TBC1D4: variants seen among roughly 807,000 people sequenced by gnomAD.
The protein encoded by TBC1D4 is TBC (Tre-2, BUB2, CDC16) domain-containing protein.
A neutral mutation model predicts 142.5 loss-of-function variants in TBC1D4; 121 were observed. The observed-to-expected ratio is 0.85, with a 90% CI of 0.73 to 0.99. The LOEUF (loss-of-function observed/expected upper bound fraction) is 0.99. TBC1D4 is among the 50% of genes least tolerant of loss of function. TBC1D4 has a pLI of 0.00. For missense variants in TBC1D4, 1,475 were observed against 1,606.6 expected (o/e 0.92, Z 1.40); for synonymous variants, 630 against 628.2 (o/e 1.00, Z -0.04).
At position 75,362,119 on chromosome 13, in the gene TBC1D4, G is replaced by A. The variant is rs368061724; in HGVS notation, c.987C>T (p.Gly329=). ...VTGVQRRVHE[G]SQKSQPRRRH... ...TCCGTCGCGGCTGGGATTTCTGGCT[G>A]CCCTCGTGAACTCTCCGTTGCACGC... The change falls in exon 2 of 21, where the codon GGC becomes GGT. Residue 329 remains glycine (G), a synonymous_variant. Coordinates refer to ENST00000377636, the MANE Select transcript of TBC1D4 (RefSeq NM_014832.5). This position sits in a 1 kb window ranked among gnomAD's most constrained non-coding sequence, Gnocchi z 4.2. The A allele has an allele frequency of 4.8e-5, 78 of 1,613,948 alleles. 3 individuals are homozygous for A. The highest frequency in any genetic ancestry group is 4.8e-4 in the African/African-American group (36 of 75,042).
intron 4 of TBC1D4, among the ~76,000 whole-genome samples, chr13:75,355,102 T>C (rs1375856299): frequency 6.6e-6 from 1 of 152,198 alleles, no homozygotes; most frequent in Non-Finnish European, 1.5e-5. Context: ...ACTTCTTCAT[T>C]ATTCCTAACC....
Position 75,362,154 on chromosome 13 carries a change from T to C in TBC1D4, c.952A>G (p.Ser318Gly), listed in dbSNP as rs1882579006. Residue 318 changes from serine (S) to glycine (G), a missense_variant, in exon 2 of 21, where the codon AGT becomes GGT. By Grantham distance (56) the Ser-to-Gly change is moderately conservative. Around this residue, in one of 2 missense-constraint regions of TBC1D4, gnomAD observed 1,227 missense variants for 1,267.7 expected, o/e 0.97. Transcript: ENST00000377636. This position sits in a 1 kb window ranked among gnomAD's most constrained non-coding sequence, Gnocchi z 4.2. ...EQQEFRSRCS[S>G]VTGVQRRVHE... ...ACTCTCCGTTGCACGCCGGTGACAC[T>C]GCTGCACCGAGACCGAAACTCCTGC... 3 of 1,613,266 alleles carry C rather than the reference T, an allele frequency of 1.9e-6. No individual in the cohort carries two copies. The highest frequency in any genetic ancestry group is 2.7e-5 in the African/African-American group (2 of 74,914).
At chr13:75,336,158 G>A in intron 8 of TBC1D4, among the ~76,000 whole-genome samples, 1 of 152,098 alleles carries the variant, frequency 6.6e-6, no homozygotes, top group Non-Finnish European at 1.5e-5. Flanking sequence ...CAGCACTTTG[G>A]GAGGCCGACG....
chr13:75,375,254 C>T (rs1298973137), intron 1 of TBC1D4, among the ~76,000 whole-genome samples: 1 of 152,196 alleles, frequency 6.6e-6, no homozygotes, highest in African/African-American at 2.4e-5. Flanking sequence ...GGGGTCCAGT[C>T]CCTGGCTGTG....
intron 3 of TBC1D4, among the ~76,000 whole-genome samples, chr13:75,359,281 A>G (rs1882311130): frequency 6.6e-6 from 1 of 152,230 alleles, no homozygotes; most frequent in Non-Finnish European, 1.5e-5. Flanking sequence ...ACAGTTTGTG[A>G]ATTAAAAACA....
rs1326311098 is a variant in TBC1D4, at chr13:75,382,009, G to A, written c.499-19402C>T. Among the ~76,000 whole-genome samples the A allele has an allele frequency of 3.3e-5, 5 of 152,192 alleles. No homozygotes were observed. The East Asian group carries it at 9.6e-4, about 29-fold the overall frequency. On this transcript the variant is annotated intron_variant, in intron 1 of 20. Transcript: ENST00000377636. Reference sequence around the variant, plus strand: ...AGAGTTGAACACTAGGAAACCCATTGAGGGAGGCTGATTCAGTAAAAGGGA... The same window carrying A: ...AGAGTTGAACACTAGGAAACCCATTAAGGGAGGCTGATTCAGTAAAAGGGA...
At chr13:75,400,334 A>G (rs1885020627) in intron 1 of TBC1D4, among the ~76,000 whole-genome samples, 1 of 152,082 alleles carries the variant, frequency 6.6e-6, no homozygotes, top group African/African-American at 2.4e-5. Context: ...TTGCATGAAC[A>G]ACTCTCAGTA....
intron 9 of TBC1D4, among the ~76,000 whole-genome samples, chr13:75,326,682 A>G (rs1879294726): frequency 6.6e-6 from 1 of 152,202 alleles, no homozygotes; most frequent in South Asian, 2.1e-4. Flanking sequence ...CAGCATCCGT[A>G]AAGACAGGCC....
chr13:75,329,439 T>C (rs1208151744), intron 8 of TBC1D4, among the ~76,000 whole-genome samples: 1 of 144,956 alleles, frequency 6.9e-6, no homozygotes, highest in Non-Finnish European at 1.5e-5. Context: ...TCTCTTTCTC[T>C]CTCTCTCTCT....
intron 1 of TBC1D4, among the ~76,000 whole-genome samples, chr13:75,384,491 A>G (rs1163603451): frequency 1.3e-5 from 2 of 151,892 alleles, no homozygotes; most frequent in Non-Finnish European, 2.9e-5. Context: ...CACTACATCC[A>G]GTCAACCTGA....
Position 75,481,206 on chromosome 13 carries a change from C to T in TBC1D4, c.498+64G>A. On this transcript the variant is annotated intron_variant, in intron 1 of 20. Transcript: ENST00000377636. ...TCCTTAAAGTGGGGTCCCCGCCCCT[C>T]CCGCCCTGCTCCCCGATCCCCCAAG... The T allele has an allele frequency of 4.2e-6, 5 of 1,203,766 alleles. No homozygotes were observed. The Admixed American group carries it at 6.1e-5, about 15-fold the overall frequency. The allele number at this position is 1,203,766 out of a possible 1,614,324, so 74.6% of individuals were successfully genotyped here.
chr13:75,472,445 A>T (rs1437495007), intron 1 of TBC1D4, among the ~76,000 whole-genome samples: 5 of 152,180 alleles, frequency 3.3e-5, no homozygotes, highest in South Asian at 2.1e-4. Context: ...AATAAAAAAA[A>T]GAATTGTGGA....
intron 14 of TBC1D4, among the ~76,000 whole-genome samples, chr13:75,308,242 A>G (rs1877379356): frequency 6.6e-6 from 1 of 152,218 alleles, no homozygotes; most frequent in African/African-American, 2.4e-5. Flanking sequence ...ATGTATTCTA[A>G]ATGTCACCTC....
intron 1 of TBC1D4, among the ~76,000 whole-genome samples, chr13:75,431,875 C>T (rs1391307980): frequency 6.6e-6 from 1 of 151,996 alleles, no homozygotes; most frequent in Non-Finnish European, 1.5e-5. Flanking sequence ...CAGCTTGTTA[C>T]CTATTAAGAA....
At chr13:75,424,117 C>T (rs1886276456) in intron 1 of TBC1D4, among the ~76,000 whole-genome samples, 1 of 151,682 alleles carries the variant, frequency 6.6e-6, no homozygotes, top group Non-Finnish European at 1.5e-5. Flanking sequence ...TTTAAAAATT[C>T]AAAAAACTAG....
chr13:75,414,097 A>T (rs1885807825), intron 1 of TBC1D4, among the ~76,000 whole-genome samples: 1 of 152,208 alleles, frequency 6.6e-6, no homozygotes. Flanking sequence ...ATGGCACTGC[A>T]ATACTACATC....
intron 1 of TBC1D4, among the ~76,000 whole-genome samples, chr13:75,464,660 A>G (rs1426650129): frequency 6.6e-6 from 1 of 152,036 alleles, no homozygotes; most frequent in Non-Finnish European, 1.5e-5. Context: ...GGTCTTCACA[A>G]CCGGGCTGGT....
chr13:75,350,718 C>T (rs1166050230), intron 4 of TBC1D4, among the ~76,000 whole-genome samples: 1 of 151,920 alleles, frequency 6.6e-6, no homozygotes, highest in Non-Finnish European at 1.5e-5. Flanking sequence ...TAAATGATTT[C>T]CATATAAGTT....
At chr13:75,480,625 G>T (rs1056559768) in intron 1 of TBC1D4, among the ~76,000 whole-genome samples, 3 of 152,054 alleles carry the variant, frequency 2.0e-5, no homozygotes, top group South Asian at 2.1e-4. Context: ...TTTAAAAACC[G>T]CAAAAAAAGG....
Sources: gnomAD v4.1 joint callset for allele counts (sites outside exome capture counted in the v4.1 genomes callset) on GRCh38, gnomAD v4.1.1 for gene constraint, gnomAD v4.1.1 regional missense constraint, Gnocchi (gnomAD v3.1) non-coding constraint, MANE v1.5 for transcripts, NCBI Gene and HGNC (gene_info 2026-07-23, HGNC 2026-07-21) for gene names.